DAB1: variants seen among roughly 807,000 people sequenced by gnomAD.
The protein encoded by DAB1 is DAB adaptor protein 1, also known as disabled homolog 1.
Under a neutral mutation model 64.6 loss-of-function variants are expected in DAB1, and 15 were observed. The ratio of observed to expected loss-of-function variants is 0.23; its 90% CI spans 0.16 to 0.36. DAB1 has a LOEUF of 0.36. DAB1 is among the 10% of genes least tolerant of loss of function. The pLI, the probability that DAB1 is intolerant of heterozygous loss-of-function variation, is 1.00. For synonymous variants in DAB1, 235 were observed against 251.9 expected (o/e 0.93, Z 0.64); for missense variants, 596 against 706.7 (o/e 0.84, Z 1.78).
At chr1:57,862,373 T>G (rs1654086872) in intron 1 of DAB1, 1 of 152,192 alleles carries the variant, frequency 6.6e-6, no homozygotes, top group Non-Finnish European at 1.5e-5. Flanking sequence ...CTATGAAGTA[T>G]TTAAAGTTAG....
chr1:57,391,256 T>C (rs1404190518), intron 1 of DAB1, among the ~76,000 whole-genome samples: 1 of 152,126 alleles, frequency 6.6e-6, no homozygotes. Flanking sequence ...GCAAGAAGAA[T>C]ATAATAAACA....
At chr1:57,006,829 A>G (rs2100255086) in intron 14 of DAB1, among the ~76,000 whole-genome samples, 1 of 152,300 alleles carries the variant, frequency 6.6e-6, no homozygotes, top group East Asian at 1.9e-4. Flanking sequence ...AAACACTTTC[A>G]TACTTATGAT....
chr1:57,996,336 A>G (rs531343997), intron 5 of DAB1, among the ~76,000 whole-genome samples: 15 of 152,228 alleles, frequency 9.9e-5, no homozygotes, highest in Non-Finnish European at 2.1e-4. Flanking sequence ...GTATTTTTCA[A>G]AAACTTAGCA....
At chr1:57,717,925 A>C (rs1647103925) in intron 6 of DAB1, among the ~76,000 whole-genome samples, 1 of 124,600 alleles carries the variant, frequency 8.0e-6, no homozygotes, top group South Asian at 2.5e-4. Context: ...TTAAAAAGTT[A>C]ATTTTATAGA....
intron 3 of DAB1, among the ~76,000 whole-genome samples, chr1:58,383,563 A>G (rs7367176): frequency 0.73 from 111,383 of 152,156 alleles, 42,046 homozygotes; most frequent in African/African-American, 0.93. Context: ...CGGTTGCCAT[A>G]AGCATTATCT....
At chr1:58,537,450 G>C (rs1039470031) in intron 1 of DAB1, among the ~76,000 whole-genome samples, 1 of 152,150 alleles carries the variant, frequency 6.6e-6, no homozygotes. Flanking sequence ...ACGTGAAAAA[G>C]GAGAGATAAC....
chr1:58,351,778 C>T (rs1644060579), intron 3 of DAB1, among the ~76,000 whole-genome samples: 2 of 149,766 alleles, frequency 1.3e-5, no homozygotes, highest in African/African-American at 4.9e-5. Context: ...GTTAAAAGAT[C>T]AATGTTAATC....
At chr1:57,335,481 C>A (rs1677008752) in intron 1 of DAB1, among the ~76,000 whole-genome samples, 1 of 152,146 alleles carries the variant, frequency 6.6e-6, no homozygotes, top group Non-Finnish European at 1.5e-5. Context: ...AAATGAACAT[C>A]CCCTTTCATT....
At chr1:57,072,102 T>G (rs1651532854) in intron 5 of DAB1, among the ~76,000 whole-genome samples, 181 bp downstream of exon 5, 1 of 150,324 alleles carries the variant, frequency 6.7e-6, no homozygotes, top group Non-Finnish European at 1.5e-5. Context: ...TGGATGGGTA[T>G]GAGCATGTTT....
chr1:58,133,222 C>A (rs1406534094), intron 5 of DAB1, among the ~76,000 whole-genome samples: 2 of 152,144 alleles, frequency 1.3e-5, no homozygotes, highest in African/African-American at 4.8e-5. Flanking sequence ...GCATCTTATA[C>A]CCCTGCCTAG....
At chr1:57,838,580 T>C (rs1229266641) in intron 1 of DAB1, among the ~76,000 whole-genome samples, 1 of 152,080 alleles carries the variant, frequency 6.6e-6, no homozygotes, top group Non-Finnish European at 1.5e-5. Context: ...AAATATAATA[T>C]GATTTGGTGA....
intron 3 of DAB1, among the ~76,000 whole-genome samples, chr1:58,433,001 G>A (rs535984665): frequency 4.1e-4 from 63 of 152,330 alleles, no homozygotes; most frequent in Admixed American, 1.4e-3. Flanking sequence ...TTTGCAAGCC[G>A]ACTCATACAG....
intron 2 of DAB1, among the ~76,000 whole-genome samples, chr1:58,508,131 C>A (rs1646018044): frequency 6.6e-6 from 1 of 151,974 alleles, no homozygotes; most frequent in African/African-American, 2.4e-5. Flanking sequence ...ATTAATTATC[C>A]CTACAGACTA....
intron 3 of DAB1, among the ~76,000 whole-genome samples, chr1:57,141,157 A>AGCT (rs1658555395): frequency 2.0e-5 from 3 of 152,170 alleles, no homozygotes; most frequent in African/African-American, 7.2e-5. Flanking sequence ...TATGAACCAA[A>AGCT]GGGAAAAAAT....
intron 9 of DAB1, among the ~76,000 whole-genome samples, chr1:57,055,956 A>T (rs1287872226): frequency 6.6e-6 from 1 of 152,194 alleles, no homozygotes; most frequent in Non-Finnish European, 1.5e-5. Context: ...TTCTCATTGC[A>T]CTGAGCTCAT....
At chr1:57,060,010 CA>C (rs1024383928) in intron 9 of DAB1, among the ~76,000 whole-genome samples, 1 of 152,068 alleles carries the variant, frequency 6.6e-6, no homozygotes, top group Non-Finnish European at 1.5e-5. Flanking sequence ...ATTTTGCAAG[CA>C]AAATTTCTAG....
intron 5 of DAB1, among the ~76,000 whole-genome samples, chr1:58,006,554 T>G (rs1159435901): frequency 2.0e-5 from 3 of 152,220 alleles, no homozygotes; most frequent in Non-Finnish European, 2.9e-5. Flanking sequence ...GTCCTGTCTT[T>G]GCACTACAAG....
At chr1:57,303,255 C>T (rs1168740737) in intron 1 of DAB1, among the ~76,000 whole-genome samples, 1 of 152,132 alleles carries the variant, frequency 6.6e-6, no homozygotes, top group Admixed American at 6.5e-5. Flanking sequence ...AGAATGGTGA[C>T]CCCCACAGAT....
At chr1:57,533,244 A>G (rs1228143438) in intron 7 of DAB1, among the ~76,000 whole-genome samples, 1 of 151,972 alleles carries the variant, frequency 6.6e-6, no homozygotes. Context: ...TTTCCTCACC[A>G]TATTTCAGAA....
Sources: allele counts gnomAD v4.1 joint callset (sites outside exome capture counted in the v4.1 genomes callset), GRCh38; gene constraint gnomAD v4.1.1; transcripts MANE v1.5; gene names NCBI Gene and HGNC (gene_info 2026-07-23, HGNC 2026-07-21).